Variants in DGLUCY observed in about 807,000 individuals in gnomAD.
DGLUCY encodes D-glutamate cyclase.
Under a neutral mutation model 58.5 loss-of-function variants are expected in DGLUCY, and 58 were observed. That is an observed-to-expected ratio of 0.99 (90% CI 0.80 to 1.23). DGLUCY has a LOEUF of 1.23. DGLUCY is among the 50% of genes most tolerant of loss of function. The probability of loss-of-function intolerance (pLI) is 0.00; values close to 1 mark genes in which losing one functional copy is unlikely to be tolerated. For missense variants in DGLUCY, 779 were observed against 784.7 expected (o/e 0.99, Z 0.09); for synonymous variants, 325 against 314.1 (o/e 1.03, Z -0.37).
upstream of DGLUCY, among the ~76,000 whole-genome samples, chr14:91,104,064 T>TTTTTTTTTTC (rs1555391200): frequency 1.8e-4 from 20 of 113,948 alleles, no homozygotes; most frequent in East Asian, 7.5e-4. Context: ...AAACATTCTT[T>TTTTTTTTTTC]TTTTTTTTTT....
chr14:91,103,029 T>G (rs1370012021), upstream of DGLUCY, among the ~76,000 whole-genome samples: 1 of 152,112 alleles, frequency 6.6e-6, no homozygotes, highest in Non-Finnish European at 1.5e-5. Flanking sequence ...CCCAATGTGC[T>G]GGGATTACAG....
At chr14:91,133,222 G>A (rs2046131266) in intron 1 of DGLUCY, among the ~76,000 whole-genome samples, 1 of 152,008 alleles carries the variant, frequency 6.6e-6, no homozygotes, top group Admixed American at 6.6e-5. Context: ...TTGAACCCGG[G>A]AGGTGGAGGT....
At chr14:91,221,854 A>G (rs1484481722) in intron 13 of DGLUCY, among the ~76,000 whole-genome samples, 1 of 152,170 alleles carries the variant, frequency 6.6e-6, no homozygotes, top group Non-Finnish European at 1.5e-5. Context: ...CACCAAGATT[A>G]AGACACAAAA....
intron 8 of DGLUCY, among the ~76,000 whole-genome samples, chr14:91,188,270 G>A (rs2049645243): frequency 6.6e-6 from 1 of 152,168 alleles, no homozygotes; most frequent in East Asian, 1.9e-4. Context: ...GGAGGTGTGT[G>A]TTGGAGGTGC....
chr14:91,177,687 T>C (rs1365207634), intron 7 of DGLUCY, among the ~76,000 whole-genome samples: 2 of 152,254 alleles, frequency 1.3e-5, no homozygotes, highest in Non-Finnish European at 2.9e-5. Flanking sequence ...GTAGTGTTAC[T>C]TTAATTTATT....
At chr14:91,167,194 A>G (rs778644423) in intron 3 of DGLUCY, 31 bp from the exon 4 acceptor site, 24 of 1,557,806 alleles carry the variant, frequency 1.5e-5, no homozygotes. Flanking sequence ...ACCGCTGACT[A>G]TACATTTTTC....
At chr14:91,175,202 T>G (rs1222323168) in intron 6 of DGLUCY, among the ~76,000 whole-genome samples, 1 of 151,944 alleles carries the variant, frequency 6.6e-6, no homozygotes, top group African/African-American at 2.4e-5. Flanking sequence ...TGAGCTGAAA[T>G]CCATTGATCC....
At chr14:91,077,093 A>T (rs2044033501) in intron 1 of DGLUCY, among the ~76,000 whole-genome samples, 1 of 151,978 alleles carries the variant, frequency 6.6e-6, no homozygotes, top group Non-Finnish European at 1.5e-5. Context: ...AAATGAATAA[A>T]ATTAGCCAGG....
At chr14:91,187,759 C>T (rs2049610948) in intron 8 of DGLUCY, among the ~76,000 whole-genome samples, 1 of 152,198 alleles carries the variant, frequency 6.6e-6, no homozygotes, top group Non-Finnish European at 1.5e-5. Context: ...CTCCTGTCCT[C>T]CGAGGACCCC....
chr14:91,173,906 C>T (rs953782081), intron 6 of DGLUCY, among the ~76,000 whole-genome samples: 1 of 151,784 alleles, frequency 6.6e-6, no homozygotes, highest in Non-Finnish European at 1.5e-5. Context: ...TCCACAATTC[C>T]TGGCTCATAA....
chr14:91,222,952 A>G (rs1887728098), intron 13 of DGLUCY, among the ~76,000 whole-genome samples: 1 of 152,178 alleles, frequency 6.6e-6, no homozygotes, highest in African/African-American at 2.4e-5. Context: ...TGGTGGAGAG[A>G]GCGAGAGCTC....
In DGLUCY at chr14:91,060,410, C is replaced by A. The variant is rs375911233; in HGVS notation, c.-376C>A. The A allele has an allele frequency of 3.1e-5, 46 of 1,508,072 alleles. No individual in the cohort carries two copies. The highest frequency in any genetic ancestry group is 4.0e-5 in the Non-Finnish European group (45 of 1,121,990). 93.4% of individuals were successfully genotyped at this position (1,508,072 alleles called of 1,614,324 possible). Reference sequence around the variant, plus strand: ...TCCGCGCTGGTCCCCGCGGCGCCGCCGCTGCTGCCACCCTCCTCCTCCATC... The same window carrying A: ...TCCGCGCTGGTCCCCGCGGCGCCGCAGCTGCTGCCACCCTCCTCCTCCATC... On this transcript the variant is annotated 5_prime_UTR_variant, in exon 1 of 5. Coordinates refer to the DGLUCY transcript ENST00000521334.
intron 1 of DGLUCY, among the ~76,000 whole-genome samples, chr14:91,071,932 C>T (rs2043927763): frequency 6.6e-6 from 1 of 151,550 alleles, no homozygotes; most frequent in South Asian, 2.1e-4. Context: ...AATTATACAC[C>T]TAACAAAAAT....
intron 1 of DGLUCY, among the ~76,000 whole-genome samples, chr14:91,095,898 A>C (rs555837602): frequency 5.9e-5 from 9 of 152,168 alleles, no homozygotes; most frequent in African/African-American, 2.2e-4. Flanking sequence ...GTCCCACCGC[A>C]TGCAGAGTCC....
At chr14:91,178,963 G>T (rs564870480) in intron 7 of DGLUCY, among the ~76,000 whole-genome samples, 1 of 152,274 alleles carries the variant, frequency 6.6e-6, no homozygotes, top group African/African-American at 2.4e-5. Flanking sequence ...GGCGGAGGTT[G>T]CAGCGAGCTG....
intron 7 of DGLUCY, among the ~76,000 whole-genome samples, chr14:91,179,886 C>CTTTTTTTT (rs35580984): frequency 2.1e-4 from 16 of 75,992 alleles, no homozygotes; most frequent in African/African-American, 2.6e-4. Context: ...ATGCTAAACA[C>CTTTTTTTT]TTTTTTTTTT....
At chr14:91,151,167 G>C (rs556721300) in intron 1 of DGLUCY, among the ~76,000 whole-genome samples, 1 of 152,350 alleles carries the variant, frequency 6.6e-6, no homozygotes, top group East Asian at 1.9e-4. Flanking sequence ...TAAGGCTGAA[G>C]AATATTCTAC....
intron 1 of DGLUCY, among the ~76,000 whole-genome samples, chr14:91,079,538 G>A (rs899927352): frequency 6.6e-5 from 10 of 152,010 alleles, no homozygotes; most frequent in African/African-American, 2.2e-4. Flanking sequence ...ATTTTTAGTA[G>A]AGACGGGGTT....
intron 7 of DGLUCY, among the ~76,000 whole-genome samples, chr14:91,177,142 G>T (rs1343801416): frequency 6.6e-6 from 1 of 152,016 alleles, no homozygotes; most frequent in Admixed American, 6.6e-5. Flanking sequence ...GGGACTACAG[G>T]CATACGCCGC....
Sources: allele counts gnomAD v4.1 joint callset (sites outside exome capture counted in the v4.1 genomes callset), GRCh38; gene constraint gnomAD v4.1.1; transcripts MANE v1.5; gene names NCBI Gene and HGNC (gene_info 2026-07-23, HGNC 2026-07-21).